The following UGT2A1 variants were observed in gnomAD, a reference collection of about 807,000 sequenced individuals.
The protein encoded by UGT2A1 is UDP-glucuronosyltransferase 2A1.
A neutral mutation model predicts 45.4 loss-of-function variants in UGT2A1; 61 were observed. The observed-to-expected ratio is 1.34, with a 90% CI of 1.09 to 1.66. The LOEUF is 1.66. UGT2A1 is among the 40% of genes most tolerant of loss of function. The probability of loss-of-function intolerance (pLI) is 0.00; values close to 1 mark genes in which losing one functional copy is unlikely to be tolerated. For synonymous variants in UGT2A1, 229 were observed against 196.2 expected, an observed-to-expected ratio of 1.17 and a Z score of -1.40; for missense variants, 649 against 574.3, an observed-to-expected ratio of 1.13 and a Z score of -1.33.
intron 3 of UGT2A1, among the ~76,000 whole-genome samples, chr4:69,634,809 A>T (rs11931365): frequency 0.23 from 34,507 of 152,050 alleles, 4,181 homozygotes; most frequent in Middle Eastern, 0.25. Context: ...AGCAAACATC[A>T]CCCTTAATGG....
At chr4:69,615,347 CA>C (rs1248774030) in intron 3 of UGT2A1, among the ~76,000 whole-genome samples, 1 of 151,492 alleles carries the variant, frequency 6.6e-6, no homozygotes, top group Non-Finnish European at 1.5e-5. Flanking sequence ...CACAGCCATC[CA>C]AAGCAAAAAT....
chr4:69,596,085 G>A (rs1718903569), intron 4 of UGT2A1, among the ~76,000 whole-genome samples: 2 of 152,128 alleles, frequency 1.3e-5, no homozygotes, highest in Non-Finnish European at 2.9e-5. Flanking sequence ...GATTCAATGT[G>A]CTAATGTACA....
At position 69,646,837 on chromosome 4, in the gene UGT2A1, T is replaced by C. The variant is rs1366002580; in HGVS notation, c.715+93A>G. On this transcript the variant is annotated intron_variant, in intron 2 of 6. Coordinates refer to ENST00000286604, the MANE Select transcript of UGT2A1 (RefSeq NM_001252275.3). ...ATATATAGTACATCAATACTTGGAA[T>C]TAAAAAAGAATAGACATAGGGAAAT... is the stretch of plus-strand genomic sequence containing the variant. The C allele has an allele frequency of 8.0e-6, 7 of 875,612 alleles. No individual in the cohort carries two copies. The Admixed American group carries it at 1.2e-4, about 15-fold the overall frequency. 54.2% of individuals were successfully genotyped at this position (875,612 alleles called of 1,614,324 possible).
intron 6 of UGT2A1, among the ~76,000 whole-genome samples, chr4:69,590,205 A>G (rs1220121666): frequency 6.6e-6 from 1 of 152,216 alleles, no homozygotes; most frequent in Non-Finnish European, 1.5e-5. Context: ...TGAAGACTGA[A>G]CAAAAATACT....
At chr4:69,642,632 T>C (rs1722097911) in intron 2 of UGT2A1, among the ~76,000 whole-genome samples, 1 of 151,724 alleles carries the variant, frequency 6.6e-6, no homozygotes, top group Non-Finnish European at 1.5e-5. Flanking sequence ...CCACAGTTCA[T>C]GCAAAGATCT....
At chr4:69,623,207 G>A (rs942438842) in intron 3 of UGT2A1, among the ~76,000 whole-genome samples, 7 of 151,820 alleles carry the variant, frequency 4.6e-5, no homozygotes, top group Middle Eastern at 3.4e-3. Flanking sequence ...AATGAAAATC[G>A]TAGTAATTGT....
At chr4:69,612,636 C>A (rs1720131659) in intron 3 of UGT2A1, among the ~76,000 whole-genome samples, 1 of 151,894 alleles carries the variant, frequency 6.6e-6, no homozygotes, top group African/African-American at 2.4e-5. Context: ...GGAAACCACT[C>A]CCTATTCAAT....
At chr4:69,632,570 A>G (rs1721445210) in intron 3 of UGT2A1, among the ~76,000 whole-genome samples, 1 of 152,156 alleles carries the variant, frequency 6.6e-6, no homozygotes, top group African/African-American at 2.4e-5. Context: ...AAATATGGAA[A>G]TCATCCTTAG....
At chr4:69,639,103 A>T (rs765280499) in intron 2 of UGT2A1, 6 of 1,613,560 alleles carry the variant, frequency 3.7e-6, no homozygotes, top group Non-Finnish European at 5.1e-6. Context: ...GAGAACCTCA[A>T]TGTGTACATA....
At position 69,615,581 on chromosome 4, in the gene UGT2A1, CAAAAGA is replaced by C. The variant is rs1033722761; in HGVS notation, c.848-16193_848-16188del. ...ATAAAAGATCTGAATAGACGTTTCT[CAAAAGA>C]ACAACCAACAGGCAAGTGAAGAAAT... On this transcript the variant is annotated intron_variant, in intron 3 of 6. Coordinates refer to ENST00000286604, the MANE Select transcript of UGT2A1 (RefSeq NM_001252275.3). Among the ~76,000 whole-genome samples the C allele has an allele frequency of 2.0e-5, 3 of 151,906 alleles. No homozygotes were observed. In the Admixed American group the frequency reaches 2.0e-4, roughly 10 times the overall value.
chr4:69,612,202 T>C (rs1720105459), intron 3 of UGT2A1, among the ~76,000 whole-genome samples: 1 of 151,970 alleles, frequency 6.6e-6, no homozygotes, highest in Non-Finnish European at 1.5e-5. Context: ...CTAGAAATAT[T>C]AATATAATTA....
chr4:69,638,440 G>A (rs1721841431), intron 2 of UGT2A1, among the ~76,000 whole-genome samples: 1 of 152,140 alleles, frequency 6.6e-6, no homozygotes, highest in Non-Finnish European at 1.5e-5. Flanking sequence ...GAGAGACAGT[G>A]AGAACCAGGG....
At chr4:69,638,582 T>A in intron 2 of UGT2A1, among the ~76,000 whole-genome samples, 1 of 152,108 alleles carries the variant, frequency 6.6e-6, no homozygotes, top group East Asian at 1.9e-4. Context: ...GCCAGGGTAT[T>A]TTTCAGTAGT....
At chr4:69,631,597 C>A (rs545477240) in intron 3 of UGT2A1, among the ~76,000 whole-genome samples, 1 of 152,058 alleles carries the variant, frequency 6.6e-6, no homozygotes, top group Non-Finnish European at 1.5e-5. Flanking sequence ...AGATGAGAAG[C>A]CATAACTTCA....
At position 69,647,022 on chromosome 4, in the gene UGT2A1, T is replaced by C; in HGVS notation, c.623A>G (p.Asp208Gly). 1.9e-6 allele frequency: 3 copies of C among 1,612,772 alleles called. No homozygotes were observed. In the South Asian group the frequency reaches 3.3e-5, roughly 18 times the overall value. Residue 208 changes from aspartate to glycine, a missense_variant, in exon 2 of 7, where the codon GAC becomes GGC. Physicochemically the swap from Asp to Gly is moderately conservative, Grantham distance 94. Coordinates refer to ENST00000286604, the MANE Select transcript of UGT2A1 (RefSeq NM_001252275.3). ...GTAGGAGATGAAATTTCTTATTCTG[T>C]CAGTGAAAGACATTTGGTCGGTGAG... is the stretch of plus-strand genomic sequence containing the variant. ...SELTDQMSFT[D>G]RIRNFISYHL...
At chr4:69,626,564 C>T (rs2109946593) in intron 3 of UGT2A1, among the ~76,000 whole-genome samples, 1 of 151,608 alleles carries the variant, frequency 6.6e-6, no homozygotes, top group South Asian at 2.1e-4. Context: ...GATTATTCAT[C>T]CATCAAGCCT....
intron 3 of UGT2A1, among the ~76,000 whole-genome samples, chr4:69,635,307 TG>T (rs1166585706): frequency 6.6e-6 from 1 of 152,162 alleles, no homozygotes; most frequent in African/African-American, 2.4e-5. Flanking sequence ...CTGGGCTTTC[TG>T]CTCTCCCGAT....
At position 69,647,701 on chromosome 4, in the gene UGT2A1, T is replaced by C; in HGVS notation, c.-54-3A>G. On this transcript the variant is annotated splice_polypyrimidine_tract_variant and splice_region_variant and intron_variant, in intron 1 of 6. Coordinates refer to ENST00000286604, the MANE Select transcript of UGT2A1 (RefSeq NM_001252275.3). ...TGTGAAGCAAATGTTTTTCTCTGCT[T>C]TTAAAGAAAAAAAGGAAAGACAAAA... 1 of 1,252,472 alleles carries C rather than the reference T, an allele frequency of 8.0e-7. No homozygotes were observed. The highest frequency in any genetic ancestry group is 1.1e-6 in the Non-Finnish European group (1 of 925,986). The allele number at this position is 1,252,472 out of a possible 1,614,324, so 77.6% of individuals were successfully genotyped here.
At chr4:69,605,279 G>T (rs184149234) in intron 3 of UGT2A1, among the ~76,000 whole-genome samples, 1 of 136,408 alleles carries the variant, frequency 7.3e-6, no homozygotes, top group Non-Finnish European at 1.6e-5. Flanking sequence ...ACTCAAAACC[G>T]CTCAACTACA....
Sources: allele counts gnomAD v4.1 joint callset (sites outside exome capture counted in the v4.1 genomes callset), GRCh38; gene constraint gnomAD v4.1.1; transcripts MANE v1.5; gene names NCBI Gene and HGNC (gene_info 2026-07-23, HGNC 2026-07-21).